Variants in TMEM178B observed in about 807,000 individuals in gnomAD.
TMEM178B encodes the protein transmembrane protein 178B.
A neutral mutation model predicts 31.0 loss-of-function variants in TMEM178B; 5 were observed. The observed-to-expected ratio is 0.16, with a 90% CI of 0.08 to 0.34. TMEM178B has a LOEUF of 0.34. Ranked by LOEUF, TMEM178B falls within the 10% of genes least tolerant of loss-of-function variation. TMEM178B has a pLI of 1.00. For missense variants in TMEM178B, 275 were observed against 400.3 expected (o/e 0.69, Z 2.67); for synonymous variants, 164 against 164.0 (o/e 1.00, Z 0.00).
intron 2 of TMEM178B, among the ~76,000 whole-genome samples, chr7:141,331,840 G>C (rs1799305583): frequency 6.6e-6 from 1 of 152,214 alleles, no homozygotes. Flanking sequence ...CCAGGGCCAG[G>C]GGCAGACCTT....
At chr7:141,374,435 A>G (rs952299665) in intron 2 of TMEM178B, among the ~76,000 whole-genome samples, 4 of 152,108 alleles carry the variant, frequency 2.6e-5, no homozygotes, top group African/African-American at 9.7e-5. Context: ...TGTGCATACA[A>G]CCTTCTCCCA....
intron 3 of TMEM178B, among the ~76,000 whole-genome samples, chr7:141,440,755 C>T (rs1801642817): frequency 6.6e-6 from 1 of 152,188 alleles, no homozygotes; most frequent in East Asian, 1.9e-4. Flanking sequence ...AGCTGCTGTT[C>T]TAAAAGCTGC....
At chr7:141,147,201 C>T (rs1217627219) in intron 1 of TMEM178B, among the ~76,000 whole-genome samples, 2 of 152,110 alleles carry the variant, frequency 1.3e-5, no homozygotes, top group Non-Finnish European at 2.9e-5. Flanking sequence ...CTTCTTTCCT[C>T]CCCTTCCCTC....
chr7:141,361,635 C>T (rs1799920364), intron 2 of TMEM178B, among the ~76,000 whole-genome samples: 1 of 152,218 alleles, frequency 6.6e-6, no homozygotes, highest in African/African-American at 2.4e-5. Context: ...ACACAGTGGT[C>T]AGAGCAGAGT....
chr7:141,272,692 T>C (rs536839039), intron 2 of TMEM178B, among the ~76,000 whole-genome samples: 13 of 152,354 alleles, frequency 8.5e-5, no homozygotes, highest in African/African-American at 2.9e-4. Flanking sequence ...GCCCGTGGGC[T>C]GCCCTTGCCA....
intron 3 of TMEM178B, among the ~76,000 whole-genome samples, chr7:141,443,560 G>A (rs1376435353): frequency 1.3e-5 from 2 of 152,140 alleles, no homozygotes; most frequent in African/African-American, 4.8e-5. Context: ...GGGAGAAAGA[G>A]GTAAAATGCC....
At chr7:141,270,712 A>G (rs535026960) in intron 2 of TMEM178B, among the ~76,000 whole-genome samples, 20 of 152,358 alleles carry the variant, frequency 1.3e-4, no homozygotes, top group African/African-American at 4.8e-4. Flanking sequence ...AGCCTCCAGA[A>G]ACTGAAGCAT....
At position 141,245,784 on chromosome 7, in the gene TMEM178B, C is replaced by T. The variant is rs545224689; in HGVS notation, c.496+33080C>T. 5.6e-4 allele frequency among the ~76,000 whole-genome samples: 85 copies of T among 152,326 alleles called. 1 individual carries two copies. In the South Asian group the frequency reaches 0.017, roughly 30 times the overall value. ...TGGCATGCTGTGAGTCGATCTTCATCCAAACCTTTTCCAAATCCATATTCT... is the reference window on the plus strand; with the variant it reads ...TGGCATGCTGTGAGTCGATCTTCATTCAAACCTTTTCCAAATCCATATTCT... On this transcript the variant is annotated intron_variant, in intron 2 of 3. Transcript: ENST00000565468.
chr7:141,139,100 G>A (rs1016615718), intron 1 of TMEM178B, among the ~76,000 whole-genome samples: 2 of 152,108 alleles, frequency 1.3e-5, no homozygotes, highest in Non-Finnish European at 2.9e-5. Flanking sequence ...AAAAATTATG[G>A]ACGCCAAAGT....
In TMEM178B at chr7:141,191,904, T is replaced by C. The variant is rs532497582; in HGVS notation, c.383-20687T>C. 4.6e-5 allele frequency among the ~76,000 whole-genome samples: 7 copies of C among 152,358 alleles called. No individual in the cohort carries two copies. The East Asian group carries it at 1.3e-3, about 29-fold the overall frequency. ...TATAGTTACAAAGGCTTTCTTTCTTTTGGGCTATAAAAAGGTTTTAATCCT... is the reference window on the plus strand; with the variant it reads ...TATAGTTACAAAGGCTTTCTTTCTTCTGGGCTATAAAAAGGTTTTAATCCT... On this transcript the variant is annotated intron_variant, in intron 1 of 3. Coordinates refer to ENST00000565468, the MANE Select transcript of TMEM178B (RefSeq NM_001195278.2).
rs2129170085 is a variant in TMEM178B, at chr7:141,074,745, C to T, written c.382+53C>T. ...TGCGGAGAGCCCGGCGCCTTTAGGCCCCGCAGCCCCTCGCGTCTCCTTCCC... is the reference window on the plus strand; with the variant it reads ...TGCGGAGAGCCCGGCGCCTTTAGGCTCCGCAGCCCCTCGCGTCTCCTTCCC... On this transcript the variant is annotated intron_variant, in intron 1 of 3. Coordinates refer to ENST00000565468, the MANE Select transcript of TMEM178B (RefSeq NM_001195278.2). The surrounding 1 kb of genome is among the most constrained non-coding windows in gnomAD (Gnocchi z 5.1). The T allele has an allele frequency of 7.0e-7, 1 of 1,437,450 alleles. No individual in the cohort carries two copies. The highest frequency in any genetic ancestry group is 2.5e-5 in the East Asian group (1 of 40,056). The allele number at this position is 1,437,450 out of a possible 1,614,324, so 89.0% of individuals were successfully genotyped here.
chr7:141,382,837 C>T (rs1800344415), intron 2 of TMEM178B, among the ~76,000 whole-genome samples: 1 of 152,194 alleles, frequency 6.6e-6, no homozygotes, highest in Non-Finnish European at 1.5e-5. Flanking sequence ...AAAGTAATGC[C>T]TTAGCAAAGG....
chr7:141,371,236 A>G (rs781565736), intron 2 of TMEM178B, among the ~76,000 whole-genome samples: 65 of 152,094 alleles, frequency 4.3e-4, no homozygotes, highest in Admixed American at 8.5e-4. Flanking sequence ...GAATAGACTA[A>G]TGCCCTTCCT....
chr7:141,501,783 G>T, the TMEM178B span, among the ~76,000 whole-genome samples: 2 of 152,078 alleles, frequency 1.3e-5, no homozygotes, highest in East Asian at 3.9e-4. Flanking sequence ...TTACCCTGCA[G>T]GTTTTTGGAC....
chr7:141,120,292 T>C (rs1300276264), intron 1 of TMEM178B, among the ~76,000 whole-genome samples: 1 of 152,246 alleles, frequency 6.6e-6, no homozygotes, highest in Non-Finnish European at 1.5e-5. Context: ...TGAGAAAATA[T>C]ATCTGTTTGT....
At position 141,471,902 on chromosome 7, in the gene TMEM178B, G is replaced by A. The variant is rs1429791796; in HGVS notation, c.*1116G>A. 1 of 151,912 alleles carries A rather than the reference G, an allele frequency of 6.6e-6. No homozygotes were observed. The highest frequency in any genetic ancestry group is 1.5e-5 in the Non-Finnish European group (1 of 68,020). The allele number at this position is 151,912 out of a possible 1,614,324, so 9.4% of individuals were successfully genotyped here. The stretch of plus-strand genomic sequence containing the variant: ...CTGGTATAGCTGAAATTTCCAGAGG[G>A]CAGAACCAAGAACAAAGCCACTGGG... On this transcript the variant is annotated 3_prime_UTR_variant, in exon 4 of 4. Coordinates refer to ENST00000565468, the MANE Select transcript of TMEM178B (RefSeq NM_001195278.2). The surrounding 1 kb of genome is among the most constrained non-coding windows in gnomAD (Gnocchi z 4.1).
Position 141,473,913 on chromosome 7 carries a change from G to A in TMEM178B, c.*3127G>A, listed in dbSNP as rs1014092653. The stretch of plus-strand genomic sequence containing the variant: ...CTCCAACCAGTTACGGAAGCTTTCT[G>A]GCTGTGAGGTAGCTGAGGGAGATGA... On this transcript the variant is annotated 3_prime_UTR_variant, in exon 4 of 4. Coordinates refer to ENST00000565468, the MANE Select transcript of TMEM178B (RefSeq NM_001195278.2). 1.3e-5 allele frequency: 2 copies of A among 152,282 alleles called. No homozygotes were observed. The highest frequency in any genetic ancestry group is 2.9e-5 in the Non-Finnish European group (2 of 68,162). The allele number at this position is 152,282 out of a possible 1,614,324, so 9.4% of individuals were successfully genotyped here.
At chr7:141,216,880 G>A (rs1285787110) in intron 2 of TMEM178B, among the ~76,000 whole-genome samples, 43 of 152,054 alleles carry the variant, frequency 2.8e-4, no homozygotes, top group Admixed American at 2.8e-3. Context: ...CATTTATCCT[G>A]CCTCTGTGGG....
At chr7:141,139,799 CTTG>C (rs1046271908) in intron 1 of TMEM178B, among the ~76,000 whole-genome samples, 3 of 150,724 alleles carry the variant, frequency 2.0e-5, no homozygotes, top group East Asian at 1.9e-4. Context: ...GTCTCTCACT[CTTG>C]TTGTCTAGGT....
Sources: allele counts gnomAD v4.1 joint callset (sites outside exome capture counted in the v4.1 genomes callset), GRCh38; gene constraint gnomAD v4.1.1; non-coding constraint Gnocchi (gnomAD v3.1); transcripts MANE v1.5; gene names NCBI Gene and HGNC (gene_info 2026-07-23, HGNC 2026-07-21).